Variants in CTNNA2 observed in about 807,000 individuals in gnomAD.
The protein encoded by CTNNA2 is catenin alpha-2.
CTNNA2 carries 42 observed loss-of-function variants against 101.0 expected under a neutral mutation model. That is an observed-to-expected ratio of 0.42 (90% CI 0.32 to 0.54). The LOEUF is 0.54. Ranked by LOEUF, CTNNA2 falls within the 20% of genes least tolerant of loss-of-function variation. The pLI, the probability that CTNNA2 is intolerant of heterozygous loss-of-function variation, is 0.14. For missense variants in CTNNA2, 871 were observed against 1,223.1 expected, an observed-to-expected ratio of 0.71 and a Z score of 4.29; for synonymous variants, 450 against 456.4, an observed-to-expected ratio of 0.99 and a Z score of 0.18.
chr2:80,231,258 A>T (rs1322492817), intron 7 of CTNNA2, among the ~76,000 whole-genome samples: 1 of 152,092 alleles, frequency 6.6e-6, no homozygotes, highest in African/African-American at 2.4e-5. Flanking sequence ...GAGTATTATG[A>T]TTACAGGTGT....
In CTNNA2 at chr2:80,339,283, C is replaced by A. The variant is rs377002558; in HGVS notation, c.1057-53928C>A. 3.3e-5 allele frequency among the ~76,000 whole-genome samples: 5 copies of A among 152,036 alleles called. No homozygotes were observed. The East Asian group carries it at 9.7e-4, about 29-fold the overall frequency. On this transcript the variant is annotated intron_variant, in intron 7 of 18. Coordinates refer to ENST00000402739, the MANE Select transcript of CTNNA2 (RefSeq NM_001282597.3). ...ATATGTTATAGCCAGATAGTCATCACCAAACTATGATTTATAGTTTGAGTT... is the reference window on the plus strand; with the variant it reads ...ATATGTTATAGCCAGATAGTCATCAACAAACTATGATTTATAGTTTGAGTT...
chr2:80,096,176 T>G (rs1700138417), intron 7 of CTNNA2, among the ~76,000 whole-genome samples: 3 of 151,988 alleles, frequency 2.0e-5, no homozygotes. Context: ...CTGCTTTGAA[T>G]GTGTCCCAGA....
At chr2:79,995,922 C>G (rs1692510333) in intron 7 of CTNNA2, among the ~76,000 whole-genome samples, 1 of 152,160 alleles carries the variant, frequency 6.6e-6, no homozygotes, top group Non-Finnish European at 1.5e-5. Context: ...GGTGGAGACT[C>G]AATTTTTTCA....
chr2:79,825,463 G>A (rs567423614), intron 3 of CTNNA2, among the ~76,000 whole-genome samples: 1 of 151,154 alleles, frequency 6.6e-6, no homozygotes, highest in East Asian at 1.9e-4. Flanking sequence ...GAGGTTGCGA[G>A]GGGAAAAAAA....
chr2:79,385,108 T>A (rs72919144), intron 4 of CTNNA2, among the ~76,000 whole-genome samples: 10,300 of 152,270 alleles, frequency 0.068, 1,150 homozygotes, highest in African/African-American at 0.24. Context: ...CTGAAACTGG[T>A]GACCTGCTTC....
intron 7 of CTNNA2, among the ~76,000 whole-genome samples, chr2:80,354,154 T>C (rs1039628195): frequency 1.3e-5 from 2 of 152,162 alleles, no homozygotes; most frequent in Non-Finnish European, 2.9e-5. Context: ...TCTTCGGTTG[T>C]GGCACTCTAA....
At chr2:80,392,879 C>T (rs1308922193) in intron 7 of CTNNA2, among the ~76,000 whole-genome samples, 1 of 152,152 alleles carries the variant, frequency 6.6e-6, no homozygotes, top group African/African-American at 2.4e-5. Flanking sequence ...ACACACAAAG[C>T]ATTTGTATTT....
At chr2:80,500,123 G>A (rs1687767164) in intron 9 of CTNNA2, among the ~76,000 whole-genome samples, 1 of 152,044 alleles carries the variant, frequency 6.6e-6, no homozygotes, top group South Asian at 2.1e-4. Flanking sequence ...ACAAATCATA[G>A]CATTTAGCCA....
chr2:79,816,783 T>A (rs1401706099), intron 3 of CTNNA2, among the ~76,000 whole-genome samples: 1 of 152,174 alleles, frequency 6.6e-6, no homozygotes, highest in Admixed American at 6.5e-5. Context: ...AATTATTTAA[T>A]CCTCACATCA....
chr2:80,621,199 A>G (rs1427637529), intron 18 of CTNNA2, among the ~76,000 whole-genome samples: 1 of 151,852 alleles, frequency 6.6e-6, no homozygotes, highest in African/African-American at 2.4e-5. Flanking sequence ...ATGGTAGATG[A>G]TCAAAAAGAG....
rs190015906 is a variant in CTNNA2 at position 80,052,867 on chromosome 2, T to C, written c.1056+143070T>C. ...GCAGCTTCGGAGGTGTCCTTATAAG[T>C]ACAGATGGGAGAGAGGATCTATATA... On this transcript the variant is annotated intron_variant, in intron 7 of 18. Transcript: ENST00000402739. Among the ~76,000 whole-genome samples the C allele has an allele frequency of 5.3e-5, 8 of 152,290 alleles. No homozygotes were observed. In the East Asian group the frequency reaches 1.5e-3, roughly 29 times the overall value.
At chr2:80,404,745 CT>C (rs1172560291) in intron 8 of CTNNA2, among the ~76,000 whole-genome samples, 1 of 152,138 alleles carries the variant, frequency 6.6e-6, no homozygotes, top group African/African-American at 2.4e-5. Context: ...ATTAAGATGC[CT>C]TTTGTTTACC....
At chr2:80,578,969 T>C (rs2149713121) in intron 13 of CTNNA2, 1 of 152,286 alleles carries the variant, frequency 6.6e-6, no homozygotes, top group East Asian at 1.9e-4. Flanking sequence ...ATTTAGTTAA[T>C]TTTTATGGTT....
At chr2:80,451,092 C>T (rs1364246269) in intron 9 of CTNNA2, among the ~76,000 whole-genome samples, 3 of 152,096 alleles carry the variant, frequency 2.0e-5, no homozygotes, top group Non-Finnish European at 4.4e-5. Context: ...TTCTCCCCCT[C>T]CCATGTGATT....
intron 2 of CTNNA2, among the ~76,000 whole-genome samples, chr2:79,738,055 T>C (rs968233640): frequency 6.6e-6 from 1 of 152,236 alleles, no homozygotes; most frequent in Admixed American, 6.5e-5. Context: ...TCTTGGCCAC[T>C]GCACTACCGC....
intron 7 of CTNNA2, among the ~76,000 whole-genome samples, chr2:80,092,882 A>C (rs1265345788): frequency 1.3e-5 from 2 of 152,144 alleles, no homozygotes; most frequent in Non-Finnish European, 2.9e-5. Flanking sequence ...CTTATTGTAA[A>C]ACTCAAATCT....
At chr2:79,656,284 A>G (rs1030710910) in intron 2 of CTNNA2, among the ~76,000 whole-genome samples, 2 of 152,180 alleles carry the variant, frequency 1.3e-5, no homozygotes, top group African/African-American at 4.8e-5. Flanking sequence ...AATATTAGCT[A>G]TAAACTTCTT....
chr2:79,649,160 T>C (rs545194392), intron 1 of CTNNA2: 48 of 154,698 alleles, frequency 3.1e-4, no homozygotes, highest in African/African-American at 1.1e-3. Context: ...TAGATTCATG[T>C]CTCTGTTGTG....
chr2:79,812,585 G>C (rs778422090), intron 3 of CTNNA2, among the ~76,000 whole-genome samples: 1 of 152,138 alleles, frequency 6.6e-6, no homozygotes, highest in Admixed American at 6.6e-5. Flanking sequence ...GAAACCTTAT[G>C]ATCTCACCCA....
Sources: allele counts gnomAD v4.1 joint callset (sites outside exome capture counted in the v4.1 genomes callset), GRCh38; gene constraint gnomAD v4.1.1; transcripts MANE v1.5; gene names NCBI Gene and HGNC (gene_info 2026-07-23, HGNC 2026-07-21).